AKAP19: variants seen among roughly 807,000 people sequenced by gnomAD.
AKAP19 encodes small A-kinase anchoring protein.
At chr2:189,994,469 C>T in the AKAP19 span, among the ~76,000 whole-genome samples, 9 of 151,902 alleles carry the variant, frequency 5.9e-5, no homozygotes, top group Non-Finnish European at 1.2e-4. Context: ...CTGCTTTTGC[C>T]GTATCCCAGA....
the AKAP19 span, among the ~76,000 whole-genome samples, chr2:189,956,532 T>C: frequency 1.3e-5 from 2 of 152,112 alleles, no homozygotes; most frequent in Admixed American, 6.5e-5. Flanking sequence ...AAAAAACTAG[T>C]GCTGCACTAT....
the AKAP19 span, among the ~76,000 whole-genome samples, chr2:189,900,360 A>G: frequency 6.6e-6 from 1 of 152,122 alleles, no homozygotes; most frequent in Admixed American, 6.5e-5. Flanking sequence ...TTTTTCAAGA[A>G]GATGTTTTGC....
chr2:189,883,507 GTT>G, the AKAP19 span, among the ~76,000 whole-genome samples: 10,459 of 123,672 alleles, frequency 0.085, 560 homozygotes, highest in African/African-American at 0.18. Context: ...GTTTCTTCCT[GTT>G]TTTTTTTTTT....
the AKAP19 span, among the ~76,000 whole-genome samples, chr2:190,038,962 T>TTCTTCTTCTTCTTCC: frequency 1.4e-5 from 2 of 145,616 alleles, no homozygotes; most frequent in East Asian, 2.0e-4. Flanking sequence ...CTTCTTCTTC[T>TTCTTCTTCTTCTTCC]TCTTCTTCTT....
chr2:190,103,510 C>T, the AKAP19 span, among the ~76,000 whole-genome samples: 6 of 152,190 alleles, frequency 3.9e-5, no homozygotes, highest in Admixed American at 6.6e-5. Context: ...ACAAAATCAA[C>T]GTACAAATAT....
the AKAP19 span, chr2:189,923,254 G>A: frequency 3.8e-3 from 5,282 of 1,401,152 alleles, 18 homozygotes; most frequent in South Asian, 4.7e-3. Context: ...CGCAGAACCC[G>A]GGAGTAGGAG....
At chr2:190,033,910 TTCC>T in the AKAP19 span, among the ~76,000 whole-genome samples, 1 of 152,164 alleles carries the variant, frequency 6.6e-6, no homozygotes, top group Non-Finnish European at 1.5e-5. Context: ...CATATCCAGT[TTCC>T]ATTATAGACA....
the AKAP19 span, among the ~76,000 whole-genome samples, chr2:189,963,692 G>A: frequency 6.6e-6 from 1 of 152,034 alleles, no homozygotes; most frequent in Non-Finnish European, 1.5e-5. Context: ...TAGAATAGGA[G>A]GTTGTCAGTT....
the AKAP19 span, among the ~76,000 whole-genome samples, chr2:189,946,669 T>C: frequency 6.4e-4 from 97 of 152,322 alleles, no homozygotes; most frequent in Non-Finnish European, 1.0e-3. Context: ...GATTACTAGA[T>C]TTTTAGTCAC....
At chr2:190,046,770 T>C in the AKAP19 span, among the ~76,000 whole-genome samples, 1 of 152,236 alleles carries the variant, frequency 6.6e-6, no homozygotes, top group African/African-American at 2.4e-5. Flanking sequence ...TTTTAAGTTA[T>C]GATAGTACTT....
chr2:189,944,603 A>G, the AKAP19 span, among the ~76,000 whole-genome samples: 1 of 152,222 alleles, frequency 6.6e-6, no homozygotes. Context: ...TATAAAGGAA[A>G]CATTAATAGA....
the AKAP19 span, among the ~76,000 whole-genome samples, chr2:189,887,476 C>T: frequency 6.6e-6 from 1 of 152,158 alleles, no homozygotes; most frequent in Non-Finnish European, 1.5e-5. Flanking sequence ...GATTTATAAT[C>T]CTTTGGGTGT....
chr2:190,015,842 A>G, the AKAP19 span, among the ~76,000 whole-genome samples: 2 of 152,170 alleles, frequency 1.3e-5, no homozygotes, highest in Non-Finnish European at 2.9e-5. Flanking sequence ...ACCCTAAATC[A>G]TCTCTCTCAA....
the AKAP19 span, among the ~76,000 whole-genome samples, chr2:190,129,104 G>A: frequency 6.6e-6 from 1 of 152,114 alleles, no homozygotes; most frequent in African/African-American, 2.4e-5. Flanking sequence ...ACATCAACTG[G>A]CATATATTTG....
the AKAP19 span, among the ~76,000 whole-genome samples, chr2:190,075,604 A>C: frequency 6.6e-6 from 1 of 152,162 alleles, no homozygotes; most frequent in Admixed American, 6.5e-5. Context: ...TATCTCTGGC[A>C]ATATCCCTTG....
At chr2:190,098,415 C>T in the AKAP19 span, among the ~76,000 whole-genome samples, 1 of 151,740 alleles carries the variant, frequency 6.6e-6, no homozygotes, top group African/African-American at 2.4e-5. Context: ...GGTGCATTGT[C>T]AATGAGCAGT....
chr2:190,140,272 T>C, the AKAP19 span, among the ~76,000 whole-genome samples: 15 of 152,070 alleles, frequency 9.9e-5, no homozygotes, highest in African/African-American at 3.1e-4. Flanking sequence ...AGATACACGG[T>C]GCAAGCTCTC....
chr2:190,078,761 G>A, the AKAP19 span, among the ~76,000 whole-genome samples: 5 of 151,790 alleles, frequency 3.3e-5, no homozygotes, highest in Admixed American at 6.6e-5. Flanking sequence ...TAAATATGCC[G>A]TTGCATTTGA....
chr2:190,193,059 T>C, the AKAP19 span, among the ~76,000 whole-genome samples: 2 of 152,290 alleles, frequency 1.3e-5, no homozygotes, highest in South Asian at 2.1e-4. Flanking sequence ...ATCATGAGAA[T>C]GACTATTGCT....
Sources: gnomAD v4.1 joint callset for allele counts (sites outside exome capture counted in the v4.1 genomes callset) on GRCh38, gnomAD v4.1.1 for gene constraint, MANE v1.5 for transcripts, NCBI Gene and HGNC (gene_info 2026-07-23, HGNC 2026-07-21) for gene names.